Variants in NKAIN3 observed in about 807,000 individuals in gnomAD.
NKAIN3 encodes the protein sodium/potassium transporting ATPase interacting 3, also known as sodium/potassium-transporting ATPase subunit beta-1-interacting protein 3.
A neutral mutation model predicts 30.2 loss-of-function variants in NKAIN3; 25 were observed. The observed-to-expected ratio is 0.83, with a 90% confidence interval of 0.60 to 1.16. The LOEUF (loss-of-function observed/expected upper bound fraction) is 1.16. Ranked by LOEUF, NKAIN3 falls within the 50% of genes most tolerant of loss-of-function variation. The pLI is 0.00. For missense variants in NKAIN3, 225 were observed against 254.1 expected (o/e 0.89, Z 0.78); for synonymous variants, 91 against 89.6 (o/e 1.02, Z -0.09).
chr8:62,790,083 A>T (rs1817654681), intron 4 of NKAIN3, among the ~76,000 whole-genome samples: 1 of 152,188 alleles, frequency 6.6e-6, no homozygotes, highest in Non-Finnish European at 1.5e-5. Flanking sequence ...GGCAAGCCAA[A>T]TCCAGCAACG....
chr8:62,356,775 T>G (rs1331695209), intron 1 of NKAIN3, among the ~76,000 whole-genome samples: 1 of 152,120 alleles, frequency 6.6e-6, no homozygotes, highest in Admixed American at 6.5e-5. Context: ...ACACCCAAAG[T>G]GCATTCAGTA....
chr8:62,750,358 G>C (rs890278209), intron 4 of NKAIN3, among the ~76,000 whole-genome samples: 1 of 152,062 alleles, frequency 6.6e-6, no homozygotes. Flanking sequence ...AGTGCCTCGC[G>C]TGAGTGGAGC....
intron 1 of NKAIN3, among the ~76,000 whole-genome samples, chr8:62,320,554 C>T (rs1206856260): frequency 6.6e-6 from 1 of 152,020 alleles, no homozygotes; most frequent in Non-Finnish European, 1.5e-5. Context: ...TCAGCATTTG[C>T]TTTTCTGTAA....
chr8:62,908,211 A>G (rs1416308461), intron 4 of NKAIN3, among the ~76,000 whole-genome samples: 1 of 152,184 alleles, frequency 6.6e-6, no homozygotes, highest in Non-Finnish European at 1.5e-5. Flanking sequence ...TTGTTTGGCC[A>G]GTTTCTCCCA....
intron 3 of NKAIN3, among the ~76,000 whole-genome samples, chr8:62,624,348 A>C (rs1363490356): frequency 2.0e-5 from 3 of 151,790 alleles, no homozygotes; most frequent in Admixed American, 6.6e-5. Context: ...GCTGTGGTTC[A>C]AACACTTCTG....
intron 2 of NKAIN3, among the ~76,000 whole-genome samples, chr8:62,580,586 T>C (rs560754216): frequency 6.6e-6 from 1 of 152,306 alleles, no homozygotes; most frequent in African/African-American, 2.4e-5. Context: ...TGACATAATC[T>C]AATTCCACCT....
chr8:62,354,848 C>T (rs1563362343), intron 1 of NKAIN3, among the ~76,000 whole-genome samples: 1 of 152,212 alleles, frequency 6.6e-6, no homozygotes, highest in African/African-American at 2.4e-5. Flanking sequence ...CTCCCTGATA[C>T]ATGTACAGGC....
chr8:62,542,546 T>A (rs1808877422), intron 1 of NKAIN3, among the ~76,000 whole-genome samples: 1 of 151,956 alleles, frequency 6.6e-6, no homozygotes, highest in Non-Finnish European at 1.5e-5. Context: ...ATGGATGACA[T>A]CTCTATCTAT....
At chr8:62,793,115 G>C (rs1817752176) in intron 4 of NKAIN3, among the ~76,000 whole-genome samples, 1 of 151,940 alleles carries the variant, frequency 6.6e-6, no homozygotes, top group Non-Finnish European at 1.5e-5. Flanking sequence ...ATTTAGAAGT[G>C]AGTATGCCTA....
At chr8:62,855,374 A>T in intron 4 of NKAIN3, 1 of 751,960 alleles carries the variant, frequency 1.3e-6, no homozygotes, top group Non-Finnish European at 2.4e-6. Flanking sequence ...CTCTTTCAGC[A>T]TGGGCACAGT....
At chr8:62,378,704 G>A in intron 1 of NKAIN3, among the ~76,000 whole-genome samples, 1 of 152,186 alleles carries the variant, frequency 6.6e-6, no homozygotes, top group Admixed American at 6.5e-5. Context: ...AAGAATTGAG[G>A]TTGGGGAACC....
chr8:62,961,209 G>A lies in NKAIN3; in HGVS notation c.604-4145G>A, dbSNP rs554467367. Among the ~76,000 whole-genome samples the A allele has an allele frequency of 9.2e-5, 14 of 152,172 alleles. No homozygotes were observed. The East Asian group carries it at 2.5e-3, about 27-fold the overall frequency. On this transcript the variant is annotated intron_variant, in intron 6 of 6. Transcript: ENST00000623646. Reference sequence around the variant, plus strand: ...GGCAGGAGAACCACTTGAACCCGGAGGCAGAGGTTTCAGTGAGCCGAGATA... The same window carrying A: ...GGCAGGAGAACCACTTGAACCCGGAAGCAGAGGTTTCAGTGAGCCGAGATA...
chr8:62,822,608 T>C (rs911561499), intron 4 of NKAIN3, among the ~76,000 whole-genome samples: 9 of 152,228 alleles, frequency 5.9e-5, no homozygotes, highest in African/African-American at 2.2e-4. Context: ...TTTTCTGCAC[T>C]GATGTGGGAG....
At chr8:62,820,699 C>A (rs763307608) in intron 4 of NKAIN3, among the ~76,000 whole-genome samples, 15 of 151,944 alleles carry the variant, frequency 9.9e-5, no homozygotes, top group Non-Finnish European at 1.9e-4. Flanking sequence ...TGGGCAGAGA[C>A]GAGGAGAACC....
intron 3 of NKAIN3, among the ~76,000 whole-genome samples, chr8:62,686,894 G>C (rs1264264251): frequency 6.6e-6 from 1 of 152,164 alleles, no homozygotes; most frequent in African/African-American, 2.4e-5. Flanking sequence ...ATCCCTTAGA[G>C]ATGTCATCTG....
chr8:62,684,053 A>T (rs557081018), intron 3 of NKAIN3, among the ~76,000 whole-genome samples: 1 of 152,294 alleles, frequency 6.6e-6, no homozygotes, highest in African/African-American at 2.4e-5. Flanking sequence ...TTCCTCTCAA[A>T]TACAGACTGC....
chr8:62,341,569 G>T (rs993373293), intron 1 of NKAIN3, among the ~76,000 whole-genome samples: 4 of 152,130 alleles, frequency 2.6e-5, no homozygotes, highest in Non-Finnish European at 5.9e-5. Context: ...ACTCTCCAAA[G>T]AAATTACCTT....
intron 1 of NKAIN3, among the ~76,000 whole-genome samples, chr8:62,480,263 A>G (rs1018768023): frequency 1.3e-5 from 2 of 151,782 alleles, no homozygotes; most frequent in East Asian, 1.9e-4. Flanking sequence ...TAGATCTCAC[A>G]TGTTCTCACC....
intron 4 of NKAIN3, among the ~76,000 whole-genome samples, chr8:62,900,238 T>TAAG: frequency 6.9e-6 from 1 of 144,280 alleles, no homozygotes; most frequent in Non-Finnish European, 1.5e-5. Flanking sequence ...ATATCTTGTA[T>TAAG]TCTTGTGCTG....
Sources: allele counts gnomAD v4.1 joint callset (sites outside exome capture counted in the v4.1 genomes callset), GRCh38; gene constraint gnomAD v4.1.1; transcripts MANE v1.5; gene names NCBI Gene and HGNC (gene_info 2026-07-23, HGNC 2026-07-21).